Variants in DIP2B observed in about 807,000 individuals in gnomAD.
DIP2B encodes the protein DIP2 acetate--CoA ligase B (putative), also known as disco-interacting protein 2 homolog B.
A neutral mutation model predicts 198.0 loss-of-function variants in DIP2B; 76 were observed. That is an observed-to-expected ratio of 0.38 (90% CI 0.32 to 0.46). DIP2B has a LOEUF of 0.46. Ranked by LOEUF, DIP2B falls within the 20% of genes least tolerant of loss-of-function variation. The pLI is 0.99. For missense variants in DIP2B, 1,559 were observed against 1,978.4 expected, an observed-to-expected ratio of 0.79 and a Z score of 4.02; for synonymous variants, 701 against 739.1, an observed-to-expected ratio of 0.95 and a Z score of 0.84.
At chr12:50,709,490 TAACTG>T (rs1005125312) in intron 22 of DIP2B, among the ~76,000 whole-genome samples, 1 of 151,330 alleles carries the variant, frequency 6.6e-6, no homozygotes, top group African/African-American at 2.4e-5. Flanking sequence ...AAAAAAAAAT[TAACTG>T]GGCGTGGTGG....
chr12:50,562,728 C>G (rs537652292), intron 1 of DIP2B, among the ~76,000 whole-genome samples: 7 of 150,034 alleles, frequency 4.7e-5, no homozygotes, highest in Non-Finnish European at 1.0e-4. Flanking sequence ...CAGAGTGACC[C>G]TGACTCAGAA....
chr12:50,660,409 A>C, intron 4 of DIP2B, 90 bp downstream of exon 4: 1 of 1,364,736 alleles, frequency 7.3e-7, no homozygotes, highest in Non-Finnish European at 9.6e-7. Flanking sequence ...GGTAAGAACC[A>C]GAATCTTCTC....
At chr12:50,704,428 A>G (rs1465283023) in intron 20 of DIP2B, among the ~76,000 whole-genome samples, 2 of 152,154 alleles carry the variant, frequency 1.3e-5, no homozygotes, top group Non-Finnish European at 2.9e-5. Flanking sequence ...AAACTAAGAC[A>G]TTTTTTATTT....
At chr12:50,589,433 C>T (rs549720431) in intron 1 of DIP2B, among the ~76,000 whole-genome samples, 2 of 151,754 alleles carry the variant, frequency 1.3e-5, no homozygotes, top group African/African-American at 2.4e-5. Context: ...CTGACCTCGG[C>T]GTCCCAAAGT....
chr12:50,545,897 A>G (rs1298605579), intron 1 of DIP2B, among the ~76,000 whole-genome samples: 1 of 152,052 alleles, frequency 6.6e-6, no homozygotes. Context: ...CGGCCTCTCA[A>G]AGTGTGGGAT....
chr12:50,547,898 A>G (rs1264537137), intron 1 of DIP2B, among the ~76,000 whole-genome samples: 1 of 152,068 alleles, frequency 6.6e-6, no homozygotes, highest in African/African-American at 2.4e-5. Context: ...GTGAGACCCC[A>G]TCTTTACAAA....
chr12:50,690,063 C>T (rs934199563), intron 12 of DIP2B, among the ~76,000 whole-genome samples: 2 of 151,882 alleles, frequency 1.3e-5, no homozygotes, highest in African/African-American at 2.4e-5. Context: ...CTCCCCTTCT[C>T]ATTATTGACC....
intron 1 of DIP2B, among the ~76,000 whole-genome samples, chr12:50,527,865 C>T (rs912720108): frequency 6.6e-6 from 1 of 151,454 alleles, no homozygotes; most frequent in Admixed American, 6.6e-5. Flanking sequence ...TTTGATTTAT[C>T]TTCTTTTTCT....
intron 1 of DIP2B, among the ~76,000 whole-genome samples, chr12:50,578,628 C>T (rs1348936179): frequency 6.6e-6 from 1 of 151,688 alleles, no homozygotes; most frequent in African/African-American, 2.4e-5. Flanking sequence ...CTGCCTCAGC[C>T]TCCCGAGTAG....
chr12:50,562,576 T>C (rs1049735966), intron 1 of DIP2B, among the ~76,000 whole-genome samples: 4 of 151,502 alleles, frequency 2.6e-5, no homozygotes, highest in Non-Finnish European at 4.4e-5. Flanking sequence ...CTACAAAAAA[T>C]AAAAAAGTTA....
chr12:50,618,566 G>T (rs182886285), intron 1 of DIP2B, among the ~76,000 whole-genome samples: 3 of 152,166 alleles, frequency 2.0e-5, no homozygotes, highest in Admixed American at 1.3e-4. Flanking sequence ...AATTTGGAGC[G>T]TCTCTGTAAA....
chr12:50,679,635 GGAAAA>G (rs1272337329), intron 8 of DIP2B: 1 of 152,170 alleles, frequency 6.6e-6, no homozygotes, highest in African/African-American at 2.4e-5. Flanking sequence ...GAAGGGAGTA[GGAAAA>G]GAAAAGCATT....
intron 32 of DIP2B, among the ~76,000 whole-genome samples, chr12:50,732,831 G>A (rs1184665951): frequency 3.9e-5 from 6 of 152,212 alleles, no homozygotes; most frequent in South Asian, 2.1e-4. Flanking sequence ...AGTCATCGTC[G>A]TGTGGTCATG....
chr12:50,666,155 A>G (rs1448520849), intron 4 of DIP2B, among the ~76,000 whole-genome samples: 5 of 152,230 alleles, frequency 3.3e-5, no homozygotes, highest in Non-Finnish European at 5.9e-5. Context: ...GCCAAAGTAC[A>G]ATAAAAACCC....
chr12:50,554,507 C>T (rs914654825), intron 1 of DIP2B, among the ~76,000 whole-genome samples: 1 of 152,018 alleles, frequency 6.6e-6, no homozygotes, highest in Non-Finnish European at 1.5e-5. Flanking sequence ...TCTATATGAT[C>T]GCTCATATCA....
intron 3 of DIP2B, among the ~76,000 whole-genome samples, chr12:50,653,454 C>T (rs1430810101): frequency 1.3e-5 from 2 of 151,238 alleles, no homozygotes; most frequent in African/African-American, 4.9e-5. Context: ...CCGCCCCTAC[C>T]CCCAGCCCTG....
chr12:50,623,634 T>A (rs879937791), intron 1 of DIP2B, among the ~76,000 whole-genome samples: 3 of 152,176 alleles, frequency 2.0e-5, no homozygotes, highest in East Asian at 1.9e-4. Flanking sequence ...TTACTGTTTT[T>A]AAAAATTTTT....
intron 19 of DIP2B, among the ~76,000 whole-genome samples, chr12:50,703,783 C>T (rs1404422736): frequency 1.3e-5 from 2 of 151,844 alleles, no homozygotes; most frequent in Non-Finnish European, 2.9e-5. Flanking sequence ...CATGGAGTGG[C>T]TGAGTGGGCT....
At chr12:50,540,082 T>G (rs1029003225) in intron 1 of DIP2B, among the ~76,000 whole-genome samples, 2 of 90,148 alleles carry the variant, frequency 2.2e-5, no homozygotes, top group Admixed American at 1.3e-4. Context: ...TTTTTTTTTT[T>G]GCTATTGCAA....
Sources: allele counts gnomAD v4.1 joint callset (sites outside exome capture counted in the v4.1 genomes callset), GRCh38; gene constraint gnomAD v4.1.1; transcripts MANE v1.5; gene names NCBI Gene and HGNC (gene_info 2026-07-23, HGNC 2026-07-21).